CATSPERB: variants seen among roughly 807,000 people sequenced by gnomAD.
CATSPERB encodes the protein cation channel sperm-associated auxiliary subunit beta.
CATSPERB carries 93 observed loss-of-function variants against 128.3 expected under a neutral mutation model. The ratio of observed to expected loss-of-function variants is 0.72; its 90% CI spans 0.61 to 0.86. CATSPERB has a LOEUF of 0.86. Among genes scored for constraint, CATSPERB ranks in the 40% least tolerant of loss-of-function variants. The pLI is 0.00. For missense variants in CATSPERB, 1,153 were observed against 1,329.5 expected, an observed-to-expected ratio of 0.87 and a Z score of 2.06; for synonymous variants, 381 against 448.8, an observed-to-expected ratio of 0.85 and a Z score of 1.91.
At chr14:91,641,534 T>C (rs1894500266) in intron 15 of CATSPERB, among the ~76,000 whole-genome samples, 1 of 151,850 alleles carries the variant, frequency 6.6e-6, no homozygotes, top group Non-Finnish European at 1.5e-5. Context: ...TGTGGCATTA[T>C]TTCTGAGGGC....
chr14:91,625,368 A>G (rs1398143815), intron 17 of CATSPERB, among the ~76,000 whole-genome samples: 1 of 152,088 alleles, frequency 6.6e-6, no homozygotes. Flanking sequence ...TTCCATGTCT[A>G]TTATTATGGC....
At chr14:91,607,782 T>A (rs1015931171) in intron 22 of CATSPERB, among the ~76,000 whole-genome samples, 3 of 152,284 alleles carry the variant, frequency 2.0e-5, no homozygotes, top group Non-Finnish European at 4.4e-5. Flanking sequence ...GGCGTCCATG[T>A]GGTCTCCTTG....
intron 22 of CATSPERB, among the ~76,000 whole-genome samples, chr14:91,607,100 G>A (rs1443038577): frequency 2.4e-5 from 2 of 83,782 alleles, no homozygotes; most frequent in Admixed American, 3.1e-4. Flanking sequence ...GGGGGGGGGC[G>A]GTGAATGTGT....
intron 10 of CATSPERB, among the ~76,000 whole-genome samples, chr14:91,690,053 C>A (rs1444724311): frequency 6.6e-6 from 1 of 152,172 alleles, no homozygotes; most frequent in African/African-American, 2.4e-5. Flanking sequence ...AGTGCAGTGG[C>A]ACGATCTCGA....
intron 11 of CATSPERB, among the ~76,000 whole-genome samples, chr14:91,676,015 C>T (rs939062524): frequency 1.8e-4 from 28 of 152,138 alleles, no homozygotes; most frequent in African/African-American, 5.6e-4. Flanking sequence ...CCCTTTCTGT[C>T]CACTTGTTTT....
chr14:91,588,277 A>G (rs1893338902), intron 24 of CATSPERB, among the ~76,000 whole-genome samples, 199 bp from the exon 25 acceptor site: 1 of 152,038 alleles, frequency 6.6e-6, no homozygotes. Flanking sequence ...GTTATCCCAT[A>G]CTTTTAGTTC....
chr14:91,678,076 G>A (rs1265422022), intron 11 of CATSPERB, among the ~76,000 whole-genome samples: 2 of 152,148 alleles, frequency 1.3e-5, no homozygotes, highest in Non-Finnish European at 2.9e-5. Flanking sequence ...AGGGCCAGTT[G>A]GCAGGTGGGG....
intron 22 of CATSPERB, among the ~76,000 whole-genome samples, chr14:91,600,017 T>C (rs778715452): frequency 2.0e-5 from 3 of 152,226 alleles, no homozygotes; most frequent in Non-Finnish European, 2.9e-5. Flanking sequence ...ATTTTGTTTA[T>C]CCATTCATCA....
At chr14:91,647,241 G>A (rs1894621670) in intron 15 of CATSPERB, among the ~76,000 whole-genome samples, 1 of 152,156 alleles carries the variant, frequency 6.6e-6, no homozygotes, top group Non-Finnish European at 1.5e-5. Context: ...GGATATGTGT[G>A]AGTGTGTATG....
chr14:91,628,377 C>A (rs1894208369), intron 17 of CATSPERB, among the ~76,000 whole-genome samples: 1 of 152,108 alleles, frequency 6.6e-6, no homozygotes, highest in African/African-American at 2.4e-5. Context: ...TTAACAGATA[C>A]CTCACCAAAG....
At chr14:91,597,461 T>A (rs1436911273) in intron 22 of CATSPERB, among the ~76,000 whole-genome samples, 1 of 152,228 alleles carries the variant, frequency 6.6e-6, no homozygotes, top group Non-Finnish European at 1.5e-5. Flanking sequence ...ATCTTGATTA[T>A]AAAATATAAC....
chr14:91,695,923 A>C (rs965584057), intron 7 of CATSPERB, among the ~76,000 whole-genome samples: 1 of 152,234 alleles, frequency 6.6e-6, no homozygotes, highest in Non-Finnish European at 1.5e-5. Flanking sequence ...GAAGCAGTCA[A>C]GAATGTGTCC....
chr14:91,700,796 A>G (rs1435650546), intron 7 of CATSPERB, among the ~76,000 whole-genome samples: 1 of 152,094 alleles, frequency 6.6e-6, no homozygotes, highest in East Asian at 1.9e-4. Context: ...TATGGCGACA[A>G]TAGACACTGG....
At chr14:91,702,675 A>AAC (rs71461951) in intron 7 of CATSPERB, among the ~76,000 whole-genome samples, 11,246 of 145,464 alleles carry the variant, frequency 0.077, 457 homozygotes, top group East Asian at 0.11. Context: ...CAAAAAAGAA[A>AAC]ACACACACAC....
intron 15 of CATSPERB, among the ~76,000 whole-genome samples, chr14:91,652,451 G>A (rs1382215399): frequency 6.6e-6 from 1 of 150,708 alleles, no homozygotes; most frequent in Non-Finnish European, 1.5e-5. Context: ...TTGAGGTCAG[G>A]AGTTTGAGAC....
At chr14:91,724,772 C>T (rs113182712) in intron 3 of CATSPERB, among the ~76,000 whole-genome samples, 1 of 152,164 alleles carries the variant, frequency 6.6e-6, no homozygotes, top group African/African-American at 2.4e-5. Flanking sequence ...CTCTAATAGG[C>T]TACATCTGTC....
At chr14:91,712,835 A>G (rs1013081938) in intron 5 of CATSPERB, among the ~76,000 whole-genome samples, 2 of 152,210 alleles carry the variant, frequency 1.3e-5, no homozygotes, top group African/African-American at 4.8e-5. Flanking sequence ...AGACACACCA[A>G]TTAACCCAAC....
chr14:91,698,829 G>A (rs1048807391), intron 7 of CATSPERB, among the ~76,000 whole-genome samples: 6 of 152,134 alleles, frequency 3.9e-5, no homozygotes, highest in Admixed American at 1.3e-4. Flanking sequence ...TACCTAATGT[G>A]TGGTTTTTTT....
chr14:91,664,563 G>A (rs1894946995), intron 14 of CATSPERB, among the ~76,000 whole-genome samples: 1 of 152,030 alleles, frequency 6.6e-6, no homozygotes, highest in Non-Finnish European at 1.5e-5. Context: ...TCTTTTACAT[G>A]GCTTGATAAC....
Sources: allele counts gnomAD v4.1 joint callset (sites outside exome capture counted in the v4.1 genomes callset), GRCh38; gene constraint gnomAD v4.1.1; transcripts MANE v1.5; gene names NCBI Gene and HGNC (gene_info 2026-07-23, HGNC 2026-07-21).